Variants in CTNNA2 observed in about 807,000 individuals in gnomAD.
The protein encoded by CTNNA2 is catenin alpha-2.
CTNNA2 carries 42 observed loss-of-function variants against 101.0 expected under a neutral mutation model. The ratio of observed to expected loss-of-function variants is 0.42; its 90% CI spans 0.32 to 0.54. The LOEUF (loss-of-function observed/expected upper bound fraction) is 0.54. CTNNA2 is among the 20% of genes least tolerant of loss of function. The probability of loss-of-function intolerance (pLI) is 0.14; values close to 1 mark genes in which losing one functional copy is unlikely to be tolerated. For synonymous variants in CTNNA2, 450 were observed against 456.4 expected (o/e 0.99, Z 0.18); for missense variants, 871 against 1,223.1 (o/e 0.71, Z 4.29).
At chr2:80,023,774 G>A (rs1694739436) in intron 7 of CTNNA2, among the ~76,000 whole-genome samples, 1 of 152,148 alleles carries the variant, frequency 6.6e-6, no homozygotes, top group Non-Finnish European at 1.5e-5. Flanking sequence ...TATAGTTGCT[G>A]CCCCCAGAGG....
intron 7 of CTNNA2, among the ~76,000 whole-genome samples, chr2:80,017,945 A>T (rs1002061509): frequency 6.6e-6 from 1 of 152,308 alleles, no homozygotes; most frequent in Non-Finnish European, 1.5e-5. Context: ...CTACACTACT[A>T]TGTTTTTGGG....
At chr2:80,058,133 T>A (rs980316771) in intron 7 of CTNNA2, among the ~76,000 whole-genome samples, 1 of 152,258 alleles carries the variant, frequency 6.6e-6, no homozygotes, top group Non-Finnish European at 1.5e-5. Flanking sequence ...ATAACCTTGT[T>A]GTATTCAACA....
At chr2:79,698,539 C>G (rs1335664222) in intron 2 of CTNNA2, among the ~76,000 whole-genome samples, 1 of 152,006 alleles carries the variant, frequency 6.6e-6, no homozygotes. Flanking sequence ...ATTGTTTAGT[C>G]CAGAGGGGTG....
At chr2:80,147,457 G>C (rs1218339728) in intron 7 of CTNNA2, among the ~76,000 whole-genome samples, 1 of 152,146 alleles carries the variant, frequency 6.6e-6, no homozygotes, top group Admixed American at 6.5e-5. Flanking sequence ...TATAAATGCT[G>C]TTGTTGGGAA....
chr2:79,562,979 A>G (rs1219491585), intron 1 of CTNNA2, among the ~76,000 whole-genome samples: 1 of 151,968 alleles, frequency 6.6e-6, no homozygotes, highest in East Asian at 1.9e-4. Flanking sequence ...TAAGATAGGA[A>G]TGTGAATATA....
chr2:80,536,226 C>T (rs371581352), intron 9 of CTNNA2, among the ~76,000 whole-genome samples: 10 of 152,094 alleles, frequency 6.6e-5, no homozygotes, highest in African/African-American at 2.4e-4. Context: ...AGATGGAGAC[C>T]GCAGCACTTT....
intron 4 of CTNNA2, among the ~76,000 whole-genome samples, chr2:79,488,606 C>T (rs1671180515): frequency 1.3e-5 from 2 of 152,174 alleles, no homozygotes. Context: ...ATGTGATAGA[C>T]ATTGTTCATC....
chr2:79,892,797 G>T (rs2104219793), intron 6 of CTNNA2, among the ~76,000 whole-genome samples: 1 of 152,280 alleles, frequency 6.6e-6, no homozygotes, highest in Middle Eastern at 3.4e-3. Context: ...CATAATATTG[G>T]AAGTTCCCAC....
At chr2:79,409,566 C>T (rs1161855076) in intron 4 of CTNNA2, among the ~76,000 whole-genome samples, 2 of 150,716 alleles carry the variant, frequency 1.3e-5, no homozygotes, top group Non-Finnish European at 3.0e-5. Context: ...AATCCTTTCC[C>T]CATTGCTTGT....
chr2:80,121,738 T>G (rs1701847526), intron 7 of CTNNA2, among the ~76,000 whole-genome samples: 1 of 152,068 alleles, frequency 6.6e-6, no homozygotes, highest in African/African-American at 2.4e-5. Flanking sequence ...GTAGGGAAGG[T>G]GAATGGTGTA....
intron 1 of CTNNA2, among the ~76,000 whole-genome samples, chr2:79,639,932 TTGTGTG>T (rs60058512): frequency 2.8e-4 from 40 of 145,212 alleles, no homozygotes; most frequent in African/African-American, 9.1e-4. Context: ...TTAACTATAA[TTGTGTG>T]TGTGTGTGTG....
chr2:79,313,562 G>A (rs1430801420), intron 3 of CTNNA2, among the ~76,000 whole-genome samples: 3 of 152,090 alleles, frequency 2.0e-5, no homozygotes, highest in East Asian at 3.9e-4. Context: ...CAAGCAGACT[G>A]ACTCCAGAGC....
At chr2:80,166,114 C>T (rs1704675218) in intron 7 of CTNNA2, among the ~76,000 whole-genome samples, 1 of 152,158 alleles carries the variant, frequency 6.6e-6, no homozygotes, top group African/African-American at 2.4e-5. Context: ...TAGTTCCTGG[C>T]ACAGAGCTCC....
intron 4 of CTNNA2, among the ~76,000 whole-genome samples, chr2:79,490,437 C>G (rs1052031441): frequency 6.6e-6 from 1 of 152,162 alleles, no homozygotes; most frequent in African/African-American, 2.4e-5. Context: ...TGAGTCAGTA[C>G]TGTTCTGAAG....
chr2:80,240,187 A>G (rs1016589576), intron 7 of CTNNA2, among the ~76,000 whole-genome samples: 1 of 152,210 alleles, frequency 6.6e-6, no homozygotes, highest in African/African-American at 2.4e-5. Flanking sequence ...AATGGAAGGT[A>G]TTAGAGAAGG....
chr2:79,328,971 G>T (rs992253592), intron 3 of CTNNA2, among the ~76,000 whole-genome samples: 1 of 152,148 alleles, frequency 6.6e-6, no homozygotes, highest in Admixed American at 6.6e-5. Flanking sequence ...TCTTCACATG[G>T]CATTGTTCCC....
chr2:80,123,215 G>A (rs953409808), intron 7 of CTNNA2, among the ~76,000 whole-genome samples: 1 of 152,158 alleles, frequency 6.6e-6, no homozygotes, highest in Non-Finnish European at 1.5e-5. Context: ...CAGCTCCCAA[G>A]CATTTCGTTC....
chr2:79,415,187 A>G (rs992100033), intron 4 of CTNNA2, among the ~76,000 whole-genome samples: 1 of 152,064 alleles, frequency 6.6e-6, no homozygotes, highest in Admixed American at 6.6e-5. Flanking sequence ...GTTATGAGTG[A>G]GTTCTCTCTG....
At chr2:79,424,847 G>A (rs908055266) in intron 4 of CTNNA2, among the ~76,000 whole-genome samples, 9 of 152,242 alleles carry the variant, frequency 5.9e-5, no homozygotes, top group African/African-American at 2.2e-4. Flanking sequence ...ATGTCTAGTG[G>A]TAAGCATATT....
Sources: gnomAD v4.1 joint callset for allele counts (sites outside exome capture counted in the v4.1 genomes callset) on GRCh38, gnomAD v4.1.1 for gene constraint, MANE v1.5 for transcripts, NCBI Gene and HGNC (gene_info 2026-07-23, HGNC 2026-07-21) for gene names.